Variants in MAP4K3 observed in about 807,000 individuals in gnomAD.
The protein encoded by MAP4K3 is mitogen-activated protein kinase kinase kinase kinase 3, also known as MAPK/ERK kinase kinase kinase 3.
In MAP4K3, 94 loss-of-function variants were observed where a neutral mutation model predicts 143.5. The ratio of observed to expected loss-of-function variants is 0.65; its 90% CI spans 0.55 to 0.78. The LOEUF is 0.78. MAP4K3 is among the 30% of genes least tolerant of loss of function. The probability of loss-of-function intolerance (pLI) is 0.00; values close to 1 mark genes in which losing one functional copy is unlikely to be tolerated. For missense variants in MAP4K3, 1,077 were observed against 1,068.1 expected (o/e 1.01, Z -0.12); for synonymous variants, 416 against 347.2 (o/e 1.20, Z -2.20).
At chr2:39,385,443 T>C (rs1666471305) in intron 1 of MAP4K3, among the ~76,000 whole-genome samples, 1 of 151,674 alleles carries the variant, frequency 6.6e-6, no homozygotes, top group South Asian at 2.1e-4. Context: ...ATGATGCTCT[T>C]AGTCTATTCA....
At chr2:39,427,441 C>T (rs955710726) in intron 1 of MAP4K3, among the ~76,000 whole-genome samples, 9 of 152,018 alleles carry the variant, frequency 5.9e-5, no homozygotes, top group Admixed American at 5.2e-4. Context: ...AACTCCTACA[C>T]GTAAATGTAA....
chr2:39,295,104 T>A (rs186751949), intron 16 of MAP4K3, among the ~76,000 whole-genome samples: 1 of 151,954 alleles, frequency 6.6e-6, no homozygotes, highest in Non-Finnish European at 1.5e-5. Context: ...AAAAAATAGC[T>A]ATTTTTTTCA....
rs187309879 is a variant in MAP4K3 at position 39,337,070 on chromosome 2, C to A, written c.367-103G>T. The A allele has an allele frequency of 9.4e-4, 539 of 575,686 alleles. 6 individuals carry two copies. In the Admixed American group the frequency reaches 0.017, roughly 18 times the overall value. 35.7% of individuals were successfully genotyped at this position (575,686 alleles called of 1,614,324 possible). A position where few individuals can be genotyped will look rare whatever the true frequency, so the allele number is the denominator to read the frequency against. ...TAGTATTCTGTGTATTTTATTTAAT[C>A]TTTACAGGAGATCTAGTACTAATCA... On this transcript the variant is annotated intron_variant, in intron 5 of 33. Coordinates refer to ENST00000263881, the MANE Select transcript of MAP4K3 (RefSeq NM_003618.4).
intron 3 of MAP4K3, among the ~76,000 whole-genome samples, chr2:39,346,423 TA>T (rs964338703): frequency 4.6e-5 from 7 of 151,468 alleles, no homozygotes; most frequent in Admixed American, 1.3e-4. Context: ...ATCTTATACT[TA>T]AAAAAAAATA....
chr2:39,268,669 T>C (rs1680883491), intron 26 of MAP4K3, among the ~76,000 whole-genome samples: 1 of 100,564 alleles, frequency 9.9e-6, no homozygotes, highest in South Asian at 3.7e-4. Context: ...AGACGGAGTC[T>C]CGCTCTGTCG....
rs374117618 is a variant in MAP4K3 at position 39,290,349 on chromosome 2, G to A, written c.1272-15C>T. 6.3e-7 allele frequency: 1 copy of A among 1,586,080 alleles called. No individual in the cohort carries two copies. Among genetic ancestry groups the A allele is most frequent in the Admixed American group, 1.7e-5 (1 of 58,058 alleles). ...TCAGAGTTGAGCTAAAAACAGAAAA[G>A]TTTAGAATCAGAACTATTCATTTTA... On this transcript the variant is annotated splice_polypyrimidine_tract_variant and intron_variant, in intron 18 of 33. Coordinates refer to ENST00000263881, the MANE Select transcript of MAP4K3 (RefSeq NM_003618.4).
intron 4 of MAP4K3, among the ~76,000 whole-genome samples, chr2:39,342,638 T>C (rs188675968): frequency 1.3e-3 from 199 of 152,112 alleles, no homozygotes; most frequent in Non-Finnish European, 1.9e-3. Flanking sequence ...TGAAGTAAAA[T>C]AGAAACAGTA....
chr2:39,365,055 C>A (rs189912343), intron 2 of MAP4K3, among the ~76,000 whole-genome samples: 36 of 152,232 alleles, frequency 2.4e-4, no homozygotes, highest in African/African-American at 8.2e-4. Flanking sequence ...AGATTTCCCC[C>A]ACAAGAGACG....
At chr2:39,278,750 T>TGC (rs1681383750) in intron 23 of MAP4K3, among the ~76,000 whole-genome samples, 1 of 152,072 alleles carries the variant, frequency 6.6e-6, no homozygotes, top group Admixed American at 6.6e-5. Context: ...CATCAGAGAA[T>TGC]GCTAAGAACT....
In MAP4K3 at chr2:39,333,590, AT is replaced by A; in HGVS notation, c.415-17del. The A allele has an allele frequency of 6.5e-7, 1 of 1,530,700 alleles. No homozygotes were observed. The highest frequency in any genetic ancestry group is 9.0e-7 in the Non-Finnish European group (1 of 1,107,174). The allele number at this position is 1,530,700 out of a possible 1,614,324, so 94.8% of individuals were successfully genotyped here. A position where few individuals can be genotyped will look rare whatever the true frequency, so the allele number is the denominator to read the frequency against. On this transcript the variant is annotated splice_polypyrimidine_tract_variant and intron_variant, in intron 6 of 33. Coordinates refer to ENST00000263881, the MANE Select transcript of MAP4K3 (RefSeq NM_003618.4). Reference sequence around the variant, plus strand: ...TGTTAGCTCCCTTCAAAGTAACAATATTTTAGTTAGAGTAGGAAATAGATAT... The same window carrying A: ...TGTTAGCTCCCTTCAAAGTAACAATATTTAGTTAGAGTAGGAAATAGATAT...
chr2:39,309,791 C>T lies in MAP4K3; in HGVS notation c.998-272G>A, dbSNP rs1212976943. Among the ~76,000 whole-genome samples, 4 of 151,784 alleles carry T rather than the reference C, an allele frequency of 2.6e-5. No homozygotes were observed. In the East Asian group the frequency reaches 7.7e-4, roughly 29 times the overall value. ...GCCAGGATGGTCTCGATCCCCTGAC[C>T]TCGTGATCCACCCGCCTCGGCCTCC... On this transcript the variant is annotated intron_variant, in intron 13 of 33. Transcript: ENST00000263881.
intron 26 of MAP4K3, among the ~76,000 whole-genome samples, chr2:39,268,260 T>C (rs75686876): frequency 0.012 from 1,892 of 152,296 alleles, 31 homozygotes; most frequent in African/African-American, 0.044. Flanking sequence ...TAAAGGTTGT[T>C]GGTGCATCAA....
chr2:39,424,234 G>T (rs781220896), intron 1 of MAP4K3, among the ~76,000 whole-genome samples: 1 of 152,150 alleles, frequency 6.6e-6, no homozygotes, highest in African/African-American at 2.4e-5. Flanking sequence ...GTGAGCCATC[G>T]CGCCCGGCCT....
intron 2 of MAP4K3, 46 bp from the exon 3 acceptor site, chr2:39,356,385 A>T: frequency 1.0e-6 from 1 of 1,003,644 alleles, no homozygotes; most frequent in South Asian, 1.4e-5. Context: ...GTAAGTTTCA[A>T]AATGCTCATT....
intron 3 of MAP4K3, among the ~76,000 whole-genome samples, chr2:39,344,386 A>G (rs946079946): frequency 5.9e-5 from 9 of 152,256 alleles, no homozygotes; most frequent in African/African-American, 1.9e-4. Context: ...TTGTAACTAC[A>G]ATTAATAAAT....
At chr2:39,284,368 C>A (rs534852871) in intron 21 of MAP4K3, among the ~76,000 whole-genome samples, 1 of 151,928 alleles carries the variant, frequency 6.6e-6, no homozygotes, top group South Asian at 2.1e-4. Context: ...ACCATGTTGG[C>A]GAGGTTGGTT....
intron 18 of MAP4K3, 111 bp downstream of exon 18, chr2:39,292,662 A>G: frequency 1.2e-6 from 1 of 846,542 alleles, no homozygotes; most frequent in Non-Finnish European, 2.0e-6. Flanking sequence ...GATACAACCC[A>G]TGATATTGTG....
At chr2:39,335,754 T>A (rs999360258) in intron 6 of MAP4K3, among the ~76,000 whole-genome samples, 1 of 152,208 alleles carries the variant, frequency 6.6e-6, no homozygotes, top group African/African-American at 2.4e-5. Context: ...TTTATGTCTT[T>A]TAAGTGGATC....
intron 8 of MAP4K3, among the ~76,000 whole-genome samples, chr2:39,327,236 A>T (rs1683523096): frequency 6.6e-6 from 1 of 152,122 alleles, no homozygotes; most frequent in Non-Finnish European, 1.5e-5. Context: ...GGCACCAATA[A>T]TCTTCATATT....
Sources: gnomAD v4.1 joint callset for allele counts (sites outside exome capture counted in the v4.1 genomes callset) on GRCh38, gnomAD v4.1.1 for gene constraint, MANE v1.5 for transcripts, NCBI Gene and HGNC (gene_info 2026-07-23, HGNC 2026-07-21) for gene names.